The following ROBO1 variants were observed in gnomAD, a reference collection of about 807,000 sequenced individuals.
ROBO1 encodes roundabout homolog 1.
In ROBO1, 149 loss-of-function variants were observed where a neutral mutation model predicts 195.9. The observed-to-expected ratio is 0.76, with a 90% confidence interval of 0.67 to 0.87. The LOEUF is 0.87. ROBO1 is among the 40% of genes least tolerant of loss of function. The pLI is 0.00. For synonymous variants in ROBO1, 816 were observed against 733.2 expected, an observed-to-expected ratio of 1.11 and a Z score of -1.82; for missense variants, 1,933 against 2,068.3, an observed-to-expected ratio of 0.93 and a Z score of 1.27.
intron 4 of ROBO1, among the ~76,000 whole-genome samples, chr3:78,910,307 C>T (rs572489000): frequency 4.6e-5 from 7 of 151,832 alleles, no homozygotes; most frequent in East Asian, 1.9e-4. Context: ...CAGAGGCAAA[C>T]GTCCAGAAAG....
chr3:79,581,601 T>A lies in ROBO1; in HGVS notation c.88+8223A>T, dbSNP rs1251578280. 4.6e-5 allele frequency among the ~76,000 whole-genome samples: 7 copies of A among 152,264 alleles called. No individual in the cohort carries two copies. In the East Asian group the frequency reaches 1.4e-3, roughly 29 times the overall value. ...TAGTTATTAAGATCTCATCTTCAACTGATTGATAGTCTCTAGAAAGCAACT... is the reference window on the plus strand; with the variant it reads ...TAGTTATTAAGATCTCATCTTCAACAGATTGATAGTCTCTAGAAAGCAACT... On this transcript the variant is annotated intron_variant, in intron 2 of 30. Transcript: ENST00000464233.
intron 4 of ROBO1, among the ~76,000 whole-genome samples, chr3:78,899,035 C>G (rs1295961702): frequency 6.6e-6 from 1 of 152,138 alleles, no homozygotes; most frequent in Non-Finnish European, 1.5e-5. Flanking sequence ...TTCCTCTCAC[C>G]TACAACTTGA....
chr3:79,628,384 C>G (rs2108012856), intron 1 of ROBO1, among the ~76,000 whole-genome samples: 1 of 152,160 alleles, frequency 6.6e-6, no homozygotes, highest in Admixed American at 6.6e-5. Context: ...AACACAGCAA[C>G]AGAAAACCAA....
intron 1 of ROBO1, among the ~76,000 whole-genome samples, chr3:79,703,652 A>T (rs1947684827): frequency 1.3e-5 from 2 of 151,932 alleles, no homozygotes; most frequent in African/African-American, 4.8e-5. Context: ...ATTTGTAAAA[A>T]TCTGTGTGGT....
At chr3:79,546,970 A>C (rs1942287518) in intron 2 of ROBO1, among the ~76,000 whole-genome samples, 1 of 151,936 alleles carries the variant, frequency 6.6e-6, no homozygotes, top group Admixed American at 6.6e-5. Flanking sequence ...TCACGAGGTC[A>C]GGAGATCAAG....
At position 79,194,440 on chromosome 3, in the gene ROBO1, C is replaced by T. The variant is rs147791133; in HGVS notation, c.89-68901G>A. ...CATAGGTTCAAATTTCTTTATACGA[C>T]GTCACTTTTTAATGCTATTACAATA... On this transcript the variant is annotated intron_variant, in intron 2 of 30. Coordinates refer to ENST00000464233, the MANE Select transcript of ROBO1 (RefSeq NM_002941.4). Among the ~76,000 whole-genome samples, 335 of 151,616 alleles carry T rather than the reference C, an allele frequency of 2.2e-3. 4 individuals are homozygous for T. The highest frequency in any genetic ancestry group is 6.6e-3 in the African/African-American group (275 of 41,424).
intron 3 of ROBO1, among the ~76,000 whole-genome samples, chr3:78,941,476 T>C (rs1194491302): frequency 6.6e-6 from 1 of 152,202 alleles, no homozygotes; most frequent in Non-Finnish European, 1.5e-5. Flanking sequence ...GATTGACTGC[T>C]GAGGAGATAT....
At chr3:79,598,386 G>A (rs1453732423) in intron 1 of ROBO1, among the ~76,000 whole-genome samples, 11 of 151,910 alleles carry the variant, frequency 7.2e-5, no homozygotes, top group Admixed American at 2.6e-4. Flanking sequence ...TAGAGCTAAC[G>A]TTCTGCTATA....
intron 2 of ROBO1, among the ~76,000 whole-genome samples, chr3:79,272,614 C>T (rs1243860649): frequency 2.0e-5 from 3 of 152,000 alleles, no homozygotes; most frequent in African/African-American, 7.2e-5. Flanking sequence ...TTGTGGGAGA[C>T]AGAGTGCAGT....
intron 3 of ROBO1, among the ~76,000 whole-genome samples, chr3:78,961,777 C>T (rs1168063526): frequency 6.6e-6 from 1 of 152,110 alleles, no homozygotes; most frequent in Non-Finnish European, 1.5e-5. Flanking sequence ...CAAGAATGTA[C>T]TGCATAGACC....
chr3:79,136,825 G>C (rs1176107878), intron 2 of ROBO1, among the ~76,000 whole-genome samples: 1 of 151,916 alleles, frequency 6.6e-6, no homozygotes, highest in Non-Finnish European at 1.5e-5. Flanking sequence ...ATGTTATAGA[G>C]ATTGAGAGGA....
intron 25 of ROBO1, among the ~76,000 whole-genome samples, chr3:78,628,182 G>T (rs933486957): frequency 2.0e-5 from 3 of 152,130 alleles, no homozygotes; most frequent in African/African-American, 7.2e-5. Context: ...TCGAACTGCT[G>T]ACTTCAAGTG....
intron 4 of ROBO1, among the ~76,000 whole-genome samples, chr3:78,916,797 T>C (rs1388837103): frequency 6.6e-6 from 1 of 152,062 alleles, no homozygotes; most frequent in Admixed American, 6.5e-5. Context: ...TGGGTAAGGG[T>C]CTGGATAGAC....
intron 1 of ROBO1, among the ~76,000 whole-genome samples, chr3:79,602,986 T>A (rs907344286): frequency 6.6e-6 from 1 of 152,034 alleles, no homozygotes; most frequent in Non-Finnish European, 1.5e-5. Context: ...CATCTTCAAA[T>A]GTATACACAC....
chr3:79,254,424 T>A (rs1279679446), intron 2 of ROBO1, among the ~76,000 whole-genome samples: 1 of 151,968 alleles, frequency 6.6e-6, no homozygotes, highest in African/African-American at 2.4e-5. Flanking sequence ...TGACTAGTTA[T>A]CTCTTTTCCG....
intron 2 of ROBO1, among the ~76,000 whole-genome samples, chr3:79,292,061 T>C (rs1005729175): frequency 6.6e-6 from 1 of 152,228 alleles, no homozygotes; most frequent in Admixed American, 6.5e-5. Flanking sequence ...TACCCCCGTA[T>C]ATCCTACTGT....
chr3:78,665,643 T>C (rs1393264254), intron 14 of ROBO1, among the ~76,000 whole-genome samples: 2 of 152,310 alleles, frequency 1.3e-5, no homozygotes, highest in East Asian at 1.9e-4. Flanking sequence ...ACAGATTTTA[T>C]GGGATAAAAC....
rs778325257 is a variant in ROBO1 at position 78,600,226 on chromosome 3, T to C, written c.4828A>G (p.Arg1610Gly). ...DPSSSSSMSS[R>G]GSGSRQREQA... ...TCTCTTTGTCTGCTTCCTGATCCTC[T>C]TGATGACATTGAGCTTGAGGAACTG... The change falls in exon 30 of 31, where the codon AGA becomes GGA. Residue 1610 changes from arginine (R) to glycine (G), a missense_variant. Coordinates refer to ENST00000464233, the MANE Select transcript of ROBO1 (RefSeq NM_002941.4). The C allele has an allele frequency of 6.2e-7, 1 of 1,613,488 alleles. No individual in the cohort carries two copies. Among genetic ancestry groups the C allele is most frequent in the South Asian group, 1.1e-5 (1 of 91,078 alleles).
Position 79,662,831 on chromosome 3 carries a change from A to G in ROBO1, c.-50-72870T>C, listed in dbSNP as rs1455260788. 2.0e-5 allele frequency among the ~76,000 whole-genome samples: 3 copies of G among 152,092 alleles called. 1 individual carries two copies. The East Asian group carries it at 5.8e-4, about 29-fold the overall frequency. ...GCTGCTGTGGAAGAAACGAGTCTTTATAAGACTGTCACTTAGAGCCCTGTG... is the reference window on the plus strand; with the variant it reads ...GCTGCTGTGGAAGAAACGAGTCTTTGTAAGACTGTCACTTAGAGCCCTGTG... On this transcript the variant is annotated intron_variant, in intron 1 of 30. Transcript: ENST00000464233.
Sources: gnomAD v4.1 joint callset for allele counts (sites outside exome capture counted in the v4.1 genomes callset) on GRCh38, gnomAD v4.1.1 for gene constraint, MANE v1.5 for transcripts, NCBI Gene and HGNC (gene_info 2026-07-23, HGNC 2026-07-21) for gene names.